The following MARCHF10 variants were observed in gnomAD, a reference collection of about 807,000 sequenced individuals.
MARCHF10 encodes the protein membrane associated ring-CH-type finger 10.
Under a neutral mutation model 76.2 loss-of-function variants are expected in MARCHF10, and 64 were observed. The observed-to-expected ratio is 0.84, with a 90% CI of 0.69 to 1.03. The LOEUF (loss-of-function observed/expected upper bound fraction) is 1.03, where lower values mean the gene tolerates loss of function less well. Ranked by LOEUF, MARCHF10 falls within the 50% of genes least tolerant of loss-of-function variation. The probability of loss-of-function intolerance (pLI) is 0.00; values close to 1 mark genes in which losing one functional copy is unlikely to be tolerated. For missense variants in MARCHF10, 875 were observed against 958.0 expected (o/e 0.91, Z 1.14); for synonymous variants, 340 against 357.5 (o/e 0.95, Z 0.55).
chr17:62,789,123 T>C (rs943352249), intron 2 of MARCHF10, among the ~76,000 whole-genome samples: 9 of 151,046 alleles, frequency 6.0e-5, no homozygotes, highest in African/African-American at 1.9e-4. Flanking sequence ...GCCATTACTT[T>C]AATAAATTCA....
chr17:62,768,465 A>C (rs1312595227), intron 3 of MARCHF10, among the ~76,000 whole-genome samples: 1 of 152,222 alleles, frequency 6.6e-6, no homozygotes, highest in Non-Finnish European at 1.5e-5. Flanking sequence ...GGTTGCAGTG[A>C]GCCAAGATCA....
At chr17:62,758,488 C>T (rs986797258) in intron 4 of MARCHF10, among the ~76,000 whole-genome samples, 3 of 152,202 alleles carry the variant, frequency 2.0e-5, no homozygotes, top group Non-Finnish European at 4.4e-5. Context: ...CTTACCTGCT[C>T]TATTTCAACC....
At chr17:62,722,675 G>T in intron 7 of MARCHF10, 78 bp from the exon 8 acceptor site, 1 of 1,190,774 alleles carries the variant, frequency 8.4e-7, no homozygotes, top group African/African-American at 1.5e-5. Context: ...GTGATATTTG[G>T]GGAGTGAACT....
chr17:62,775,132 C>CTTTTT lies in MARCHF10; in HGVS notation c.210+13343_210+13347dup, dbSNP rs35354893. ...TTTCCCAGGTCTCCCCCTGGCCTTC[C>CTTTTT]TTTTTTTTTTTCAGATGAAGTCTCA... On this transcript the variant is annotated intron_variant, in intron 3 of 10. Transcript: ENST00000311269. Among the ~76,000 whole-genome samples the CTTTTT allele has an allele frequency of 1.6e-3, 223 of 142,600 alleles. 2 individuals carry two copies. The highest frequency in any genetic ancestry group is 2.3e-3 in the Non-Finnish European group (152 of 65,892). 93.6% of individuals were successfully genotyped at this position (142,600 alleles called of 152,430 possible).
intron 4 of MARCHF10, among the ~76,000 whole-genome samples, chr17:62,751,796 G>A (rs768848178): frequency 5.3e-5 from 8 of 152,134 alleles, no homozygotes; most frequent in Non-Finnish European, 7.4e-5. Context: ...CGAAGCAGGC[G>A]GATTACTTGA....
Position 62,741,089 on chromosome 17 carries a change from T to C in MARCHF10, c.535+3287A>G, listed in dbSNP as rs565303143. Among the ~76,000 whole-genome samples the C allele has an allele frequency of 3.5e-3, 540 of 152,356 alleles. 4 individuals are homozygous for C. Among genetic ancestry groups the C allele is most frequent in the African/African-American group, 0.012 (510 of 41,590 alleles). On this transcript the variant is annotated intron_variant, in intron 5 of 10. Transcript: ENST00000311269. ...CCCAGGGCTCTCTTATCAAGAGATATTTCTTAACAAACAAAACTGAAGTGA... is the reference window on the plus strand; with the variant it reads ...CCCAGGGCTCTCTTATCAAGAGATACTTCTTAACAAACAAAACTGAAGTGA...
chr17:62,725,752 T>C (rs1438200146), intron 6 of MARCHF10, among the ~76,000 whole-genome samples: 2 of 152,166 alleles, frequency 1.3e-5, no homozygotes, highest in African/African-American at 4.8e-5. Context: ...TACTGGTGAG[T>C]GCATGGGATT....
In MARCHF10 at chr17:62,735,956, C is replaced by T; in HGVS notation, c.1912G>A (p.Glu638Lys). 1 of 1,603,848 alleles carries T rather than the reference C, an allele frequency of 6.2e-7. No individual in the cohort carries two copies. The highest frequency in any genetic ancestry group is 8.5e-7 in the Non-Finnish European group (1 of 1,177,936). ...KETSKIKADP[E>K]KLKKLQESLL... Reference sequence around the variant, plus strand: ...CTTTCTTGCAATTTCTTGAGTTTCTCAGGGTCTGCCTTTATCTTACTGGTT... The same window carrying T: ...CTTTCTTGCAATTTCTTGAGTTTCTTAGGGTCTGCCTTTATCTTACTGGTT... Residue 638 changes from glutamate to lysine, a missense_variant, in exon 6 of 11, where the codon GAG becomes AAG. Transcript: ENST00000311269.
chr17:62,770,732 G>T (rs2092428691), intron 3 of MARCHF10, among the ~76,000 whole-genome samples: 1 of 151,642 alleles, frequency 6.6e-6, no homozygotes, highest in South Asian at 2.1e-4. Context: ...GTAGAGACAG[G>T]GTTTCACTAT....
chr17:62,760,549 G>A (rs1017796888), intron 3 of MARCHF10, among the ~76,000 whole-genome samples: 46 of 152,272 alleles, frequency 3.0e-4, no homozygotes, highest in Admixed American at 2.6e-3. Context: ...CTTCTATAAA[G>A]AAGTCAGTAT....
intron 2 of MARCHF10, among the ~76,000 whole-genome samples, chr17:62,795,481 A>G (rs898222255): frequency 1.3e-5 from 2 of 152,234 alleles, no homozygotes; most frequent in African/African-American, 2.4e-5. Flanking sequence ...ATAGCATGCA[A>G]TATGCCAAAT....
At chr17:62,794,074 A>ACCACCACCACAACCATCG (rs1167154656) in intron 2 of MARCHF10, among the ~76,000 whole-genome samples, 2 of 142,226 alleles carry the variant, frequency 1.4e-5, no homozygotes, top group Non-Finnish European at 3.0e-5. Context: ...CTCCATCACC[A>ACCACCACCACAACCATCG]CCACCACCAC....
At chr17:62,746,839 C>T in intron 4 of MARCHF10, 1 of 1,463,994 alleles carries the variant, frequency 6.8e-7, no homozygotes, top group Non-Finnish European at 9.2e-7. Context: ...TGCCCAGAGG[C>T]CACTGAGCCC....
At chr17:62,791,430 T>C (rs959239732) in intron 2 of MARCHF10, among the ~76,000 whole-genome samples, 2 of 152,230 alleles carry the variant, frequency 1.3e-5, no homozygotes, top group African/African-American at 4.8e-5. Context: ...AACAGAATTC[T>C]TGTGGGCTGA....
chr17:62,783,204 T>G (rs1281625986), intron 3 of MARCHF10, among the ~76,000 whole-genome samples: 2 of 147,746 alleles, frequency 1.4e-5, no homozygotes, highest in South Asian at 2.1e-4. Context: ...GTTTTTTTTT[T>G]TTTTTTTTTT....
chr17:62,786,521 T>C (rs1207751984), intron 3 of MARCHF10, among the ~76,000 whole-genome samples: 2 of 152,168 alleles, frequency 1.3e-5, no homozygotes, highest in Non-Finnish European at 2.9e-5. Flanking sequence ...CCCTAGTACT[T>C]AAAGTATAAT....
intron 4 of MARCHF10, among the ~76,000 whole-genome samples, chr17:62,751,951 C>T (rs2091909001): frequency 6.6e-6 from 1 of 151,190 alleles, no homozygotes; most frequent in African/African-American, 2.4e-5. Context: ...ACCTGGGAGG[C>T]AGAGGTTTCA....
At chr17:62,713,615 C>T (rs148223490) in intron 8 of MARCHF10, among the ~76,000 whole-genome samples, 2,031 of 152,298 alleles carry the variant, frequency 0.013, 44 homozygotes, top group African/African-American at 0.045. Flanking sequence ...TCCGAATCAG[C>T]CTTTACACTC....
At chr17:62,744,245 T>G in intron 5 of MARCHF10, 131 bp downstream of exon 5, 1 of 1,032,580 alleles carries the variant, frequency 9.7e-7, no homozygotes, top group South Asian at 1.8e-5. Flanking sequence ...TAAAGCTGTT[T>G]CATTTTAAGG....
Sources: gnomAD v4.1 joint callset for allele counts (sites outside exome capture counted in the v4.1 genomes callset) on GRCh38, gnomAD v4.1.1 for gene constraint, MANE v1.5 for transcripts, NCBI Gene and HGNC (gene_info 2026-07-23, HGNC 2026-07-21) for gene names.